The following PHLPP1 variants were observed in gnomAD, a reference collection of about 807,000 sequenced individuals.
PHLPP1 encodes PH domain leucine-rich repeat-containing protein phosphatase 1.
In PHLPP1, 42 loss-of-function variants were observed where a neutral mutation model predicts 117.2. The ratio of observed to expected loss-of-function variants is 0.36; its 90% CI spans 0.28 to 0.46. The LOEUF (loss-of-function observed/expected upper bound fraction) is 0.46, where lower values mean the gene tolerates loss of function less well. Among genes scored for constraint, PHLPP1 ranks in the 20% least tolerant of loss-of-function variants. The pLI is 1.00. For missense variants in PHLPP1, 2,084 were observed against 2,241.9 expected (o/e 0.93, Z 1.42); for synonymous variants, 1,042 against 970.7 (o/e 1.07, Z -1.37).
intron 6 of PHLPP1, among the ~76,000 whole-genome samples, chr18:62,898,714 G>T (rs941664246): frequency 1.3e-5 from 2 of 152,116 alleles, no homozygotes; most frequent in African/African-American, 2.4e-5. Flanking sequence ...ATAATGATTT[G>T]ACATTGCCAC....
chr18:62,802,712 G>A (rs1431265292), intron 1 of PHLPP1, among the ~76,000 whole-genome samples: 1 of 152,034 alleles, frequency 6.6e-6, no homozygotes, highest in African/African-American at 2.4e-5. Context: ...TGAAAACACC[G>A]AGAATGTATA....
At chr18:62,915,890 G>A (rs1909255529) in intron 9 of PHLPP1, among the ~76,000 whole-genome samples, 1 of 152,178 alleles carries the variant, frequency 6.6e-6, no homozygotes, top group Admixed American at 6.5e-5. Flanking sequence ...ACTTGTGGCT[G>A]CCTCAACCCA....
At chr18:62,957,331 C>T (rs1910640629) in intron 12 of PHLPP1, among the ~76,000 whole-genome samples, 1 of 152,008 alleles carries the variant, frequency 6.6e-6, no homozygotes, top group East Asian at 1.9e-4. Flanking sequence ...ACAGGTAAAA[C>T]CTGATTTTTT....
chr18:62,716,873 C>T lies in PHLPP1; in HGVS notation c.1190C>T (p.Pro397Leu). 2 of 1,524,128 alleles carry T rather than the reference C, an allele frequency of 1.3e-6. No individual in the cohort carries two copies. The highest frequency in any genetic ancestry group is 1.8e-6 in the Non-Finnish European group (2 of 1,141,874). 94.4% of individuals were successfully genotyped at this position (1,524,128 alleles called of 1,614,324 possible). ...GGGGTCCCGGGCCAGCCCCGCCGTC[C>T]CGGCCACCCCGCGCAGCCCCTCCCG... is the stretch of plus-strand genomic sequence containing the variant. ...PTGVPGQPRR[P>L]GHPAQPLPLP... The change falls in exon 1 of 17, where the codon CCC (proline) becomes CTC (leucine). Residue 397 changes from proline (P) to leucine (L), a missense_variant. Physicochemically the swap from Pro to Leu is moderately conservative, Grantham distance 98 (BLOSUM62 -3). Around this residue, in one of 2 missense-constraint regions of PHLPP1, gnomAD observed 719 missense variants for 636.0 expected, o/e 1.13. Transcript: ENST00000262719. The surrounding 1 kb of genome is among the most constrained non-coding windows in gnomAD (Gnocchi z 5.7).
At chr18:62,764,586 T>C (rs1049465656) in intron 1 of PHLPP1, among the ~76,000 whole-genome samples, 1 of 151,924 alleles carries the variant, frequency 6.6e-6, no homozygotes, top group Non-Finnish European at 1.5e-5. Context: ...ACCCCGTCTC[T>C]ACTAAAAATA....
intron 1 of PHLPP1, among the ~76,000 whole-genome samples, chr18:62,733,580 G>A (rs1028906875): frequency 3.9e-5 from 6 of 152,060 alleles, no homozygotes; most frequent in African/African-American, 4.8e-5. Flanking sequence ...TTACTATATC[G>A]TGATCCTTTG....
At chr18:62,791,075 T>G (rs1359010441) in intron 1 of PHLPP1, among the ~76,000 whole-genome samples, 1 of 152,138 alleles carries the variant, frequency 6.6e-6, no homozygotes, top group Non-Finnish European at 1.5e-5. Context: ...CCTGGAGCAC[T>G]AAGAGGCTCT....
At chr18:62,854,990 C>A (rs1413499831) in intron 3 of PHLPP1, among the ~76,000 whole-genome samples, 3 of 152,196 alleles carry the variant, frequency 2.0e-5, no homozygotes, top group Non-Finnish European at 4.4e-5. Context: ...AGCCCCTACA[C>A]CCAGCCTGAT....
intron 9 of PHLPP1, among the ~76,000 whole-genome samples, chr18:62,918,318 C>T (rs1044261563): frequency 2.0e-5 from 3 of 150,212 alleles, no homozygotes; most frequent in Admixed American, 1.3e-4. Flanking sequence ...AAGAATTGAA[C>T]TAAACCCAAT....
At chr18:62,813,656 A>G (rs900938936) in intron 1 of PHLPP1, among the ~76,000 whole-genome samples, 13 of 152,252 alleles carry the variant, frequency 8.5e-5, no homozygotes, top group African/African-American at 2.6e-4. Flanking sequence ...CACACCTGCA[A>G]CATCTGCAAA....
intron 6 of PHLPP1, 138 bp downstream of exon 6, chr18:62,896,149 A>C (rs1268631289): frequency 9.8e-6 from 6 of 613,464 alleles, no homozygotes; most frequent in Non-Finnish European, 1.7e-5. Context: ...AGAGGGAAGA[A>C]TTATGATTAA....
intron 1 of PHLPP1, among the ~76,000 whole-genome samples, chr18:62,766,340 G>T (rs919519410): frequency 1.3e-5 from 2 of 151,310 alleles, no homozygotes; most frequent in Admixed American, 1.3e-4. Context: ...CATTCACTGG[G>T]ATAATACTCC....
chr18:62,914,055 T>C (rs151171761), intron 8 of PHLPP1, among the ~76,000 whole-genome samples: 1 of 152,244 alleles, frequency 6.6e-6, no homozygotes, highest in African/African-American at 2.4e-5. Context: ...TAGTTCTCTT[T>C]TTTATAGTAA....
At chr18:62,914,339 C>G (rs1052392129) in intron 8 of PHLPP1, among the ~76,000 whole-genome samples, 1 of 152,178 alleles carries the variant, frequency 6.6e-6, no homozygotes, top group Non-Finnish European at 1.5e-5. Flanking sequence ...TGGCATAGGT[C>G]TATAGACCCT....
At chr18:62,929,980 A>C (rs1909759154) in intron 10 of PHLPP1, among the ~76,000 whole-genome samples, 1 of 152,128 alleles carries the variant, frequency 6.6e-6, no homozygotes, top group Non-Finnish European at 1.5e-5. Flanking sequence ...TGCGCTTAGA[A>C]ATGGGAAGAG....
chr18:62,775,980 A>G (rs1031148168), intron 1 of PHLPP1, among the ~76,000 whole-genome samples: 8 of 152,150 alleles, frequency 5.3e-5, no homozygotes, highest in Non-Finnish European at 1.0e-4. Context: ...AAAATGTTGT[A>G]TTAGGGTTCT....
At chr18:62,944,118 A>G (rs1164080700) in intron 11 of PHLPP1, among the ~76,000 whole-genome samples, 1 of 152,168 alleles carries the variant, frequency 6.6e-6, no homozygotes, top group Admixed American at 6.5e-5. Context: ...AAACTATAAC[A>G]GGTAGAAACA....
At chr18:62,886,536 A>G (rs2144389824) in intron 4 of PHLPP1, among the ~76,000 whole-genome samples, 2 of 152,202 alleles carry the variant, frequency 1.3e-5, no homozygotes, top group East Asian at 1.9e-4. Context: ...CAGCTTCCCA[A>G]AGTGCTGGGG....
At chr18:62,926,398 C>G (rs1363681264) in intron 10 of PHLPP1, among the ~76,000 whole-genome samples, 1 of 152,130 alleles carries the variant, frequency 6.6e-6, no homozygotes, top group Non-Finnish European at 1.5e-5. Context: ...CAGCTGTGAA[C>G]ATTGCTCTGA....
Sources: allele counts gnomAD v4.1 joint callset (sites outside exome capture counted in the v4.1 genomes callset), GRCh38; gene constraint gnomAD v4.1.1; regional missense constraint gnomAD v4.1.1; non-coding constraint Gnocchi (gnomAD v3.1); transcripts MANE v1.5; gene names NCBI Gene and HGNC (gene_info 2026-07-23, HGNC 2026-07-21).